Variants in CACNA1I observed in about 807,000 individuals in gnomAD.
CACNA1I encodes the protein calcium voltage-gated channel subunit alpha1 I.
In CACNA1I, 74 loss-of-function variants were observed where a neutral mutation model predicts 201.6. That is an observed-to-expected ratio of 0.37 (90% CI 0.30 to 0.45). The LOEUF (loss-of-function observed/expected upper bound fraction) is 0.45, where lower values mean the gene tolerates loss of function less well. Ranked by LOEUF, CACNA1I falls within the 20% of genes least tolerant of loss-of-function variation. The pLI, the probability that CACNA1I is intolerant of heterozygous loss-of-function variation, is 1.00. For synonymous variants in CACNA1I, 1,431 were observed against 1,345.2 expected, an observed-to-expected ratio of 1.06 and a Z score of -1.40; for missense variants, 2,346 against 3,138.1, an observed-to-expected ratio of 0.75 and a Z score of 6.03.
rs185980570 is a variant in CACNA1I, at chr22:39,572,520, G to A, written c.236+1532G>A. The stretch of plus-strand genomic sequence containing the variant: ...ATCCCCCTAACTTTTGGAAACCAGC[G>A]GGTCTCTGCTGGAGTGGGATGCAGA... On this transcript the variant is annotated intron_variant, in intron 1 of 36. Coordinates refer to ENST00000402142, the MANE Select transcript of CACNA1I (RefSeq NM_021096.4). 1.3e-4 allele frequency among the ~76,000 whole-genome samples: 20 copies of A among 152,214 alleles called. 1 individual carries two copies. Among genetic ancestry groups the A allele is most frequent in the Admixed American group, 1.1e-3 (17 of 15,304 alleles).
Position 39,660,351 on chromosome 22 carries a change from C to G in CACNA1I, c.2612C>G (p.Ala871Gly). 3 of 1,612,138 alleles carry G rather than the reference C, an allele frequency of 1.9e-6. No individual in the cohort carries two copies. The highest frequency in any genetic ancestry group is 2.5e-6 in the Non-Finnish European group (3 of 1,179,256). Residue 871 changes from alanine to glycine, a missense_variant, in exon 15 of 37, where the codon GCC becomes GGC. Transcript: ENST00000402142. ...TGACGGATGCTCTCCCAGGGTGACG[C>G]CAATCGCTCCTACTCGGACGAGGAC... ...LVEGFQAEGD[A>G]NRSYSDEDQS...
chr22:39,657,731 C>T (rs918557832), intron 10 of CACNA1I, among the ~76,000 whole-genome samples: 7 of 152,340 alleles, frequency 4.6e-5, no homozygotes, highest in African/African-American at 7.2e-5. Context: ...GTTCCCGGCA[C>T]GTGGTAAGTG....
intron 1 of CACNA1I, among the ~76,000 whole-genome samples, chr22:39,583,365 TA>T (rs1932643380): frequency 2.8e-5 from 4 of 145,096 alleles, no homozygotes; most frequent in Admixed American, 2.7e-4. Flanking sequence ...TCCAACCATC[TA>T]TCCATCCATC....
intron 1 of CACNA1I, among the ~76,000 whole-genome samples, chr22:39,593,902 A>C (rs1383085793): frequency 6.6e-6 from 1 of 152,238 alleles, no homozygotes; most frequent in Non-Finnish European, 1.5e-5. Flanking sequence ...GAAAATGTTC[A>C]AGTTGTGTTG....
chr22:39,582,950 A>G (rs1932606471), intron 1 of CACNA1I, among the ~76,000 whole-genome samples: 1 of 117,038 alleles, frequency 8.5e-6, no homozygotes, highest in Non-Finnish European at 1.9e-5. Context: ...GCATCCAACT[A>G]TCCATCCATC....
intron 23 of CACNA1I, among the ~76,000 whole-genome samples, chr22:39,667,030 G>A (rs897970232): frequency 5.3e-5 from 8 of 152,226 alleles, no homozygotes; most frequent in African/African-American, 1.2e-4. Context: ...GGAACCCTGC[G>A]TGGGGTGTTC....
At chr22:39,607,948 T>C (rs989671944) in intron 3 of CACNA1I, among the ~76,000 whole-genome samples, 2 of 150,470 alleles carry the variant, frequency 1.3e-5, no homozygotes, top group Non-Finnish European at 3.0e-5. Context: ...TGAAACCCTG[T>C]CTCTACTAAA....
intron 35 of CACNA1I, among the ~76,000 whole-genome samples, chr22:39,682,893 T>G (rs575875237): frequency 6.6e-6 from 1 of 152,282 alleles, no homozygotes; most frequent in South Asian, 2.1e-4. Context: ...AACAAAAACC[T>G]AAGCATCTAA....
chr22:39,625,377 A>G (rs1384595897), intron 4 of CACNA1I, among the ~76,000 whole-genome samples: 2 of 152,246 alleles, frequency 1.3e-5, no homozygotes, highest in Non-Finnish European at 2.9e-5. Flanking sequence ...AAGCTCCAGC[A>G]TGAACAACCA....
intron 4 of CACNA1I, among the ~76,000 whole-genome samples, chr22:39,630,477 T>A (rs1413177370): frequency 1.3e-5 from 2 of 152,250 alleles, no homozygotes; most frequent in Non-Finnish European, 2.9e-5. Context: ...CAGTACTTGC[T>A]GAGTGGCTCC....
intron 10 of CACNA1I, among the ~76,000 whole-genome samples, chr22:39,653,177 G>C (rs1175160857): frequency 7.5e-6 from 1 of 134,016 alleles, no homozygotes; most frequent in African/African-American, 2.5e-5. Context: ...TTGAGAACCT[G>C]GCGCTTAGTA....
At chr22:39,641,225 G>A (rs761933525) in intron 6 of CACNA1I, 43 bp downstream of exon 6, 12 of 1,542,962 alleles carry the variant, frequency 7.8e-6, no homozygotes, top group Non-Finnish European at 8.9e-6. Context: ...CCTAGAGTGG[G>A]CAGCTCTGCC....
chr22:39,649,597 G>T lies in CACNA1I; in HGVS notation c.1664G>T (p.Cys555Phe), dbSNP rs1320414937. ...TLASDPASCP[C>F]CQHEDGRRPS... ...GCTTCCGATCCCGCCAGCTGCCCTT[G>T]CTGCCAGCATGAGGACGGCCGGCGG... The change falls in exon 10 of 37, where the codon TGC becomes TTC. Residue 555 changes from cysteine (C) to phenylalanine (F), a missense_variant. Cys to Phe is a radical substitution (Grantham distance 205). Around this residue, in one of 13 missense-constraint regions of CACNA1I, gnomAD observed 312 missense variants for 331.5 expected, o/e 0.94. Coordinates refer to ENST00000402142, the MANE Select transcript of CACNA1I (RefSeq NM_021096.4). This position sits in a 1 kb window ranked among gnomAD's most constrained non-coding sequence, Gnocchi z 7.3. The T allele has an allele frequency of 1.9e-6, 3 of 1,543,432 alleles. No homozygotes were observed. Among genetic ancestry groups the T allele is most frequent in the Non-Finnish European group, 2.6e-6 (3 of 1,143,676 alleles).
intron 1 of CACNA1I, among the ~76,000 whole-genome samples, chr22:39,588,812 C>A (rs1257970889): frequency 1.3e-5 from 2 of 152,166 alleles, no homozygotes; most frequent in Non-Finnish European, 2.9e-5. Flanking sequence ...GCTCTTCTGA[C>A]CTTCTTCACT....
chr22:39,598,410 C>CGCTGCACTACCAAGCGCT (rs1333793048), intron 2 of CACNA1I, 148 bp downstream of exon 2: 1 of 618,076 alleles, frequency 1.6e-6, no homozygotes, highest in Non-Finnish European at 2.9e-6. Context: ...CCCCATCCTG[C>CGCTGCACTACCAAGCGCT]GCTGCACTAC....
Position 39,659,880 on chromosome 22 carries a change from C to A in CACNA1I, c.2604+28C>A, listed in dbSNP as rs775795609. On this transcript the variant is annotated intron_variant, in intron 14 of 36. Coordinates refer to ENST00000402142, the MANE Select transcript of CACNA1I (RefSeq NM_021096.4). This position sits in a 1 kb window ranked among gnomAD's most constrained non-coding sequence, Gnocchi z 4.3. ...GACTGTGGTCTTGGCAGAGGAAGCA[C>A]CCCCACAGGGTCTGCGAAAGACTGG... 5.0e-6 allele frequency: 8 copies of A among 1,612,988 alleles called. No individual in the cohort carries two copies. The African/African-American group carries it at 9.3e-5, about 19-fold the overall frequency.
In CACNA1I at chr22:39,677,956, C is replaced by T. The variant is rs57755014; in HGVS notation, c.4934-31C>T. On this transcript the variant is annotated intron_variant, in intron 30 of 36. Coordinates refer to ENST00000402142, the MANE Select transcript of CACNA1I (RefSeq NM_021096.4). The surrounding 1 kb of genome is among the most constrained non-coding windows in gnomAD (Gnocchi z 4.8). ...GTGAGCCCCGCAGGCACTCCGCCATCGGGCAGGGCTGACCTCCTCCCCGCT... is the reference window on the plus strand; with the variant it reads ...GTGAGCCCCGCAGGCACTCCGCCATTGGGCAGGGCTGACCTCCTCCCCGCT... 147 of 1,558,548 alleles carry T rather than the reference C, an allele frequency of 9.4e-5. No homozygotes were observed. Among genetic ancestry groups the T allele is most frequent in the Non-Finnish European group, 1.2e-4 (134 of 1,152,026 alleles).
intron 35 of CACNA1I, among the ~76,000 whole-genome samples, chr22:39,683,969 C>T (rs1296015915): frequency 6.6e-6 from 1 of 152,194 alleles, no homozygotes. Flanking sequence ...CCAGCTGTTT[C>T]TTCTCCTTAT....
chr22:39,604,760 C>CT (rs1436225572), intron 3 of CACNA1I, among the ~76,000 whole-genome samples: 3 of 150,196 alleles, frequency 2.0e-5, no homozygotes, highest in Non-Finnish European at 4.4e-5. Flanking sequence ...TTTTTTTTTA[C>CT]TTTTTAATTT....
Sources: gnomAD v4.1 joint callset for allele counts (sites outside exome capture counted in the v4.1 genomes callset) on GRCh38, gnomAD v4.1.1 for gene constraint, gnomAD v4.1.1 regional missense constraint, Gnocchi (gnomAD v3.1) non-coding constraint, MANE v1.5 for transcripts, NCBI Gene and HGNC (gene_info 2026-07-23, HGNC 2026-07-21) for gene names.